The following SORCS2 variants were observed in gnomAD, a reference collection of about 807,000 sequenced individuals.
The protein encoded by SORCS2 is VPS10 domain-containing receptor SorCS2.
Under a neutral mutation model 141.6 loss-of-function variants are expected in SORCS2, and 100 were observed. The observed-to-expected ratio is 0.71, with a 90% CI of 0.60 to 0.83. The LOEUF (loss-of-function observed/expected upper bound fraction) is 0.83. Among genes scored for constraint, SORCS2 ranks in the 40% least tolerant of loss-of-function variants. SORCS2 has a pLI of 0.00. For missense variants in SORCS2, 1,646 were observed against 1,560.2 expected (o/e 1.05, Z -0.93); for synonymous variants, 789 against 676.9 (o/e 1.17, Z -2.57).
At position 7,605,401 on chromosome 4, in the gene SORCS2, G is replaced by A. The variant is rs543302807; in HGVS notation, c.649-32927G>A. On this transcript the variant is annotated intron_variant, in intron 3 of 26. Transcript: ENST00000507866. Reference sequence around the variant, plus strand: ...GGCTGTATTGGGAGTTCTGTTCTTCGAGGAAAGGATAGGTGTTGGGGGGCA... The same window carrying A: ...GGCTGTATTGGGAGTTCTGTTCTTCAAGGAAAGGATAGGTGTTGGGGGGCA... Among the ~76,000 whole-genome samples the A allele has an allele frequency of 5.3e-5, 8 of 152,188 alleles. No individual in the cohort carries two copies. In the South Asian group the frequency reaches 8.3e-4, roughly 16 times the overall value.
At chr4:7,271,879 C>T (rs995510910) in intron 1 of SORCS2, among the ~76,000 whole-genome samples, 1 of 152,206 alleles carries the variant, frequency 6.6e-6, no homozygotes, top group Admixed American at 6.5e-5. Flanking sequence ...ATGGGAGCCC[C>T]AGGCTGCAGA....
At chr4:7,687,369 G>A (rs955287138) in intron 10 of SORCS2, among the ~76,000 whole-genome samples, 2 of 152,182 alleles carry the variant, frequency 1.3e-5, no homozygotes, top group Non-Finnish European at 2.9e-5. Flanking sequence ...AGGAGGGTAG[G>A]ACTGAAAGGT....
In SORCS2 at chr4:7,201,550, A is replaced by G. The variant is rs1196742872; in HGVS notation, c.480+8424A>G. Among the ~76,000 whole-genome samples, 2 of 152,234 alleles carry G rather than the reference A, an allele frequency of 1.3e-5. No homozygotes were observed. The highest frequency in any genetic ancestry group is 2.9e-5 in the Non-Finnish European group (2 of 68,046). Reference sequence around the variant, plus strand: ...TTCAGAGTCAGGCTAAGACTTGTGCAGATGATTCGATGGAGAGCAGACTGG... The same window carrying G: ...TTCAGAGTCAGGCTAAGACTTGTGCGGATGATTCGATGGAGAGCAGACTGG... On this transcript the variant is annotated intron_variant, in intron 1 of 26. Transcript: ENST00000507866. The surrounding 1 kb of genome is among the most constrained non-coding windows in gnomAD (Gnocchi z 4.4).
chr4:7,653,877 G>A (rs1560458603), intron 4 of SORCS2, among the ~76,000 whole-genome samples: 1 of 152,212 alleles, frequency 6.6e-6, no homozygotes, highest in Non-Finnish European at 1.5e-5. Flanking sequence ...CACCTCCTCT[G>A]TGAGACCCCT....
chr4:7,464,783 T>G (rs886814539), intron 2 of SORCS2, among the ~76,000 whole-genome samples: 1 of 152,196 alleles, frequency 6.6e-6, no homozygotes, highest in South Asian at 2.1e-4. Context: ...TCCGGCACTA[T>G]GGAATGTACT....
At chr4:7,285,928 G>T (rs2108868025) in intron 1 of SORCS2, among the ~76,000 whole-genome samples, 1 of 152,284 alleles carries the variant, frequency 6.6e-6, no homozygotes, top group South Asian at 2.1e-4. Flanking sequence ...GAGGCCGACA[G>T]CCTGGGGCTG....
intron 1 of SORCS2, among the ~76,000 whole-genome samples, chr4:7,273,144 A>G (rs1179609421): frequency 1.3e-5 from 2 of 152,234 alleles, no homozygotes; most frequent in East Asian, 1.9e-4. Flanking sequence ...GCAGCTTCCA[A>G]TGAGGCCCCT....
In SORCS2 at chr4:7,193,115, G is replaced by T. The variant is rs867259875; in HGVS notation, c.469G>T (p.Glu157Ter). The change falls in exon 1 of 27, where the codon GAG becomes TAG. Residue 157 changes from glutamate to a stop codon, truncating the protein, a stop_gained. Coordinates refer to ENST00000507866, the MANE Select transcript of SORCS2 (RefSeq NM_020777.3). LOFTEE classifies it high-confidence loss of function. This position sits in a 1 kb window ranked among gnomAD's most constrained non-coding sequence, Gnocchi z 4.8. ...CCAGGCGATGGTGCACTGGACGGGC[G>T]AGAACAGCAGCGTAAGTGACCTCCA... ...HNQAMVHWTG[E>*]NSSVILILTK... 2 of 1,542,044 alleles carry T rather than the reference G, an allele frequency of 1.3e-6. No homozygotes were observed. The highest frequency in any genetic ancestry group is 2.6e-5 in the East Asian group (1 of 38,608).
At chr4:7,728,925 C>T (rs372515272) in intron 22 of SORCS2, among the ~76,000 whole-genome samples, 139 of 152,312 alleles carry the variant, frequency 9.1e-4, no homozygotes, top group Non-Finnish European at 1.7e-3. Flanking sequence ...GCCCTTGGCC[C>T]CCAAGTGAGA....
At chr4:7,440,220 C>T (rs1275165343) in intron 2 of SORCS2, among the ~76,000 whole-genome samples, 5 of 152,186 alleles carry the variant, frequency 3.3e-5, no homozygotes, top group African/African-American at 9.7e-5. Flanking sequence ...GAGGAGGCTG[C>T]GTTGCAGGTA....
intron 1 of SORCS2, among the ~76,000 whole-genome samples, chr4:7,226,506 G>A (rs1049036764): frequency 2.0e-5 from 3 of 152,300 alleles, no homozygotes; most frequent in Non-Finnish European, 4.4e-5. Context: ...GGGGGTTGGG[G>A]GGAATGTATG....
At chr4:7,375,120 C>T (rs1273014216) in intron 1 of SORCS2, among the ~76,000 whole-genome samples, 5 of 152,304 alleles carry the variant, frequency 3.3e-5, no homozygotes, top group African/African-American at 1.2e-4. Context: ...TTGTCTAACT[C>T]TGGCTTCTGG....
chr4:7,740,528 C>G lies in SORCS2; in HGVS notation c.*264C>G, dbSNP rs951566369. ...CTCAGGCAGGTTCTGCCCCCCAGACCCCACACACGGCCGCCCCACGTGCTG... is the reference window on the plus strand; with the variant it reads ...CTCAGGCAGGTTCTGCCCCCCAGACGCCACACACGGCCGCCCCACGTGCTG... On this transcript the variant is annotated 3_prime_UTR_variant, in exon 27 of 27. Transcript: ENST00000507866. The G allele has an allele frequency of 3.8e-6, 2 of 531,200 alleles. No individual in the cohort carries two copies. The highest frequency in any genetic ancestry group is 3.1e-5 in the Admixed American group (1 of 32,042). The allele number at this position is 531,200 out of a possible 1,614,324, so 32.9% of individuals were successfully genotyped here.
At position 7,492,500 on chromosome 4, in the gene SORCS2, G is replaced by A. The variant is rs148704170; in HGVS notation, c.549-39030G>A. On this transcript the variant is annotated intron_variant, in intron 2 of 26. Transcript: ENST00000507866. ...TGTTGGTGATCCCCAGGAGGATTCC[G>A]GGTGAACGCAGGAGTACAGGGACCT... 6.4e-3 allele frequency among the ~76,000 whole-genome samples: 968 copies of A among 152,334 alleles called. 13 individuals are homozygous for A. Among genetic ancestry groups the A allele is most frequent in the African/African-American group, 0.022 (907 of 41,568 alleles).
chr4:7,603,096 A>C (rs1010150752), intron 3 of SORCS2, among the ~76,000 whole-genome samples: 7 of 151,310 alleles, frequency 4.6e-5, no homozygotes, highest in Non-Finnish European at 7.4e-5. Flanking sequence ...TGCAGTGAGC[A>C]GAGATGGCGG....
intron 2 of SORCS2, among the ~76,000 whole-genome samples, chr4:7,526,850 A>T (rs769566972): frequency 2.2e-4 from 33 of 152,264 alleles, no homozygotes; most frequent in Admixed American, 1.7e-3. Context: ...AGAACAGGTG[A>T]AATTAATTTT....
intron 1 of SORCS2, among the ~76,000 whole-genome samples, chr4:7,288,755 G>A (rs1266008890): frequency 7.0e-6 from 1 of 142,066 alleles, no homozygotes; most frequent in Non-Finnish European, 1.5e-5. Context: ...CAGTCACATT[G>A]GCAGCGAGGG....
chr4:7,653,038 C>G (rs895419330), intron 4 of SORCS2, among the ~76,000 whole-genome samples: 38 of 151,326 alleles, frequency 2.5e-4, no homozygotes, highest in African/African-American at 9.2e-4. Context: ...TCTGGGCGCC[C>G]ACCCCTGCCC....
At chr4:7,333,885 C>T (rs1011992341) in intron 1 of SORCS2, among the ~76,000 whole-genome samples, 2 of 152,188 alleles carry the variant, frequency 1.3e-5, no homozygotes, top group South Asian at 4.1e-4. Context: ...ACAGTGGGAG[C>T]TGGCTGTTGA....
Sources: gnomAD v4.1 joint callset for allele counts (sites outside exome capture counted in the v4.1 genomes callset) on GRCh38, gnomAD v4.1.1 for gene constraint, Gnocchi (gnomAD v3.1) non-coding constraint, MANE v1.5 for transcripts, NCBI Gene and HGNC (gene_info 2026-07-23, HGNC 2026-07-21) for gene names.